CCDC175: variants seen among roughly 807,000 people sequenced by gnomAD.
The protein encoded by CCDC175 is coiled-coil domain containing 175, also known as coiled-coil domain-containing protein 175.
Under a neutral mutation model 114.6 loss-of-function variants are expected in CCDC175, and 100 were observed. That is an observed-to-expected ratio of 0.87 (90% CI 0.74 to 1.03). The LOEUF is 1.03. Ranked by LOEUF, CCDC175 falls within the 50% of genes least tolerant of loss-of-function variation. The probability of loss-of-function intolerance (pLI) is 0.00; values close to 1 mark genes in which losing one functional copy is unlikely to be tolerated. For synonymous variants in CCDC175, 306 were observed against 308.7 expected, an observed-to-expected ratio of 0.99 and a Z score of 0.09; for missense variants, 880 against 917.8, an observed-to-expected ratio of 0.96 and a Z score of 0.53.
Position 59,510,732 on chromosome 14 carries a change from T to C in CCDC175, c.2219A>G (p.Lys740Arg). The C allele has an allele frequency of 6.5e-7, 1 of 1,537,302 alleles. No homozygotes were observed. The highest frequency in any genetic ancestry group is 2.4e-5 in the East Asian group (1 of 40,904). Residue 740 changes from lysine to arginine, a missense_variant, in exon 19 of 20, where the codon AAA (lysine) becomes AGA (arginine). By Grantham distance (26) the Lys-to-Arg change is conservative. Coordinates refer to ENST00000537690, the MANE Select transcript of CCDC175 (RefSeq NM_001164399.2). Reference protein sequence around the residue: ...LTDKLRERDEKMQHVSTWLRG... With the variant: ...LTDKLRERDERMQHVSTWLRG... ...TAGCCATGTACTGACATGCTGCATT[T>C]TTTCATCTCTTTCACGCAGCTTGTC... is the stretch of plus-strand genomic sequence containing the variant.
chr14:59,566,285 A>G (rs985098959), intron 4 of CCDC175, among the ~76,000 whole-genome samples: 2 of 152,226 alleles, frequency 1.3e-5, no homozygotes, highest in Non-Finnish European at 2.9e-5. Context: ...TAACAACAAA[A>G]GGTTTACAAA....
chr14:59,563,340 A>G (rs1218918809), intron 6 of CCDC175, among the ~76,000 whole-genome samples: 3 of 152,224 alleles, frequency 2.0e-5, no homozygotes, highest in African/African-American at 7.2e-5. Context: ...TGTACTCAAT[A>G]GAGAGCCTAA....
Position 59,576,719 on chromosome 14 carries a change from C to A in CCDC175, c.57G>T (p.Ala19=). The part of the protein sequence containing the change: ...GLGAGEKLVQ[A]AAVSTGPSLE... ...GGGAGGGGCCAGTGGAGACGGCAGCCGCCTGCACCAGCTTCTCGCCAGCGC... is the reference window on the plus strand; with the variant it reads ...GGGAGGGGCCAGTGGAGACGGCAGCAGCCTGCACCAGCTTCTCGCCAGCGC... Residue 19 remains alanine, a synonymous_variant, in exon 1 of 20, where the codon GCG becomes GCT. Coordinates refer to ENST00000537690, the MANE Select transcript of CCDC175 (RefSeq NM_001164399.2). 1 of 1,476,818 alleles carries A rather than the reference C, an allele frequency of 6.8e-7. No individual in the cohort carries two copies. The highest frequency in any genetic ancestry group is 8.9e-7 in the Non-Finnish European group (1 of 1,122,490). 91.5% of individuals were successfully genotyped at this position (1,476,818 alleles called of 1,614,324 possible).
intron 13 of CCDC175, among the ~76,000 whole-genome samples, chr14:59,532,981 T>A (rs1285334277): frequency 6.6e-6 from 1 of 152,208 alleles, no homozygotes; most frequent in Non-Finnish European, 1.5e-5. Flanking sequence ...TATGCACACA[T>A]AATTGGAAGG....
chr14:59,536,574 G>A (rs140912109), intron 13 of CCDC175, among the ~76,000 whole-genome samples: 136 of 150,878 alleles, frequency 9.0e-4, no homozygotes, highest in Non-Finnish European at 1.7e-3. Flanking sequence ...CCCTCACCCC[G>A]TTTCTTCTAA....
Position 59,565,221 on chromosome 14 carries a change from G to T in CCDC175, c.546C>A (p.Asn182Lys). The T allele has an allele frequency of 6.5e-7, 1 of 1,537,696 alleles. No individual in the cohort carries two copies. The highest frequency in any genetic ancestry group is 1.2e-5 in the South Asian group (1 of 84,054). ...RKHARFVLSL[N>K]QTMEKKATTT... ...TGGTGGCTTTTTTCTCCATAGTTTG[G>T]TTGAGTGACAGGACAAACCTTGCAT... The change falls in exon 5 of 20, where the codon AAC becomes AAA. Residue 182 changes from asparagine to lysine, a missense_variant. By Grantham distance (94) the Asn-to-Lys change is moderately conservative (BLOSUM62 0). Transcript: ENST00000537690.
At chr14:59,545,880 G>A (rs1895078249) in intron 8 of CCDC175, among the ~76,000 whole-genome samples, 1 of 152,114 alleles carries the variant, frequency 6.6e-6, no homozygotes, top group Admixed American at 6.6e-5. Flanking sequence ...AATATTTGTA[G>A]AAGTGTTGAA....
chr14:59,568,266 G>C lies in CCDC175; in HGVS notation c.470C>G (p.Thr157Arg), dbSNP rs1383441651. ...ELLKKKITDL[T>R]KYNEALGEKQ... ...CTACCCCAGAGCTTCATTATATTTT[G>C]TCAGGTCAGTTATTTTCTTCTTCAG... Residue 157 changes from threonine (T) to arginine (R), a missense_variant, in exon 4 of 20, where the codon ACA (threonine) becomes AGA (arginine). By Grantham distance (71) the Thr-to-Arg change is moderately conservative (BLOSUM62 -1). Transcript: ENST00000537690. 4.6e-6 allele frequency: 7 copies of C among 1,530,266 alleles called. No homozygotes were observed. The highest frequency in any genetic ancestry group is 5.2e-6 in the Non-Finnish European group (6 of 1,145,176). The allele number at this position is 1,530,266 out of a possible 1,614,324, so 94.8% of individuals were successfully genotyped here.
At chr14:59,529,180 AT>A (rs1420421858) in intron 14 of CCDC175, among the ~76,000 whole-genome samples, 3 of 152,280 alleles carry the variant, frequency 2.0e-5, no homozygotes, top group Admixed American at 2.0e-4. Context: ...AAGGAAGAAT[AT>A]GTTAGTCTCC....
intron 6 of CCDC175, among the ~76,000 whole-genome samples, chr14:59,561,858 A>C (rs1304572560): frequency 6.6e-6 from 1 of 152,188 alleles, no homozygotes; most frequent in East Asian, 1.9e-4. Context: ...TCAGCTTGTG[A>C]GGGACAATGA....
chr14:59,553,269 G>A (rs1394364663), intron 7 of CCDC175, among the ~76,000 whole-genome samples: 1 of 152,246 alleles, frequency 6.6e-6, no homozygotes, highest in Admixed American at 6.5e-5. Flanking sequence ...TGATCTCTCA[G>A]CAGAAACTCT....
chr14:59,535,955 G>T (rs186331118), intron 13 of CCDC175, among the ~76,000 whole-genome samples: 29 of 152,308 alleles, frequency 1.9e-4, no homozygotes, highest in Admixed American at 1.9e-3. Context: ...GTACAAGGAT[G>T]CAGGAAGCCA....
chr14:59,528,823 T>C (rs1464759729), intron 14 of CCDC175, among the ~76,000 whole-genome samples: 3 of 152,220 alleles, frequency 2.0e-5, no homozygotes, highest in Non-Finnish European at 2.9e-5. Flanking sequence ...TCCTATTGAA[T>C]TTTAACATTT....
chr14:59,547,701 T>C (rs1895197641), intron 8 of CCDC175, among the ~76,000 whole-genome samples: 1 of 152,196 alleles, frequency 6.6e-6, no homozygotes, highest in Admixed American at 6.5e-5. Flanking sequence ...AAATTCCAGA[T>C]GGTTCGTAGT....
At chr14:59,555,047 G>A (rs1282692393) in intron 7 of CCDC175, among the ~76,000 whole-genome samples, 7 of 152,192 alleles carry the variant, frequency 4.6e-5, no homozygotes, top group Non-Finnish European at 8.8e-5. Flanking sequence ...ACAAGGAGGA[G>A]CTGGTACCAT....
chr14:59,558,080 G>T (rs942185035), intron 7 of CCDC175, among the ~76,000 whole-genome samples: 2 of 152,148 alleles, frequency 1.3e-5, no homozygotes, highest in Admixed American at 1.3e-4. Context: ...TGAATGTTAA[G>T]ACAGAGCCAG....
At chr14:59,562,665 T>C (rs1342666968) in intron 6 of CCDC175, among the ~76,000 whole-genome samples, 1 of 152,176 alleles carries the variant, frequency 6.6e-6, no homozygotes. Context: ...CAAAATAATT[T>C]GGGCTTAGAG....
intron 3 of CCDC175, 139 bp downstream of exon 3, chr14:59,572,563 G>C: frequency 2.2e-6 from 1 of 457,618 alleles, no homozygotes; most frequent in Non-Finnish European, 3.8e-6. Context: ...AAATTATTAC[G>C]GACCTTACTG....
At chr14:59,564,039 GGAAAAA>G (rs1222783498) in intron 5 of CCDC175, among the ~76,000 whole-genome samples, 180 bp from the exon 6 acceptor site, 1 of 152,018 alleles carries the variant, frequency 6.6e-6, no homozygotes, top group African/African-American at 2.4e-5. Flanking sequence ...CAGTATCACA[GGAAAAA>G]GCATGAGCCA....
Sources: allele counts gnomAD v4.1 joint callset (sites outside exome capture counted in the v4.1 genomes callset), GRCh38; gene constraint gnomAD v4.1.1; transcripts MANE v1.5; gene names NCBI Gene and HGNC (gene_info 2026-07-23, HGNC 2026-07-21).